The following ATP5MJ variants were observed in gnomAD, a reference collection of about 807,000 sequenced individuals.
ATP5MJ encodes the protein ATP synthase F(0) complex subunit j, mitochondrial.
ATP5MJ carries 4 observed loss-of-function variants against 8.3 expected under a neutral mutation model. The ratio of observed to expected loss-of-function variants is 0.48; its 90% CI spans 0.24 to 1.11. The LOEUF (loss-of-function observed/expected upper bound fraction) is 1.11. Among genes scored for constraint, ATP5MJ ranks in the 50% least tolerant of loss-of-function variants. The pLI is 0.18. For missense variants in ATP5MJ, 66 were observed against 71.8 expected (o/e 0.92, Z 0.29); for synonymous variants, 23 against 21.3 (o/e 1.08, Z -0.23).
At chr14:103,917,739 C>G (rs575029976) in intron 1 of ATP5MJ, among the ~76,000 whole-genome samples, 3 of 152,220 alleles carry the variant, frequency 2.0e-5, no homozygotes, top group Non-Finnish European at 4.4e-5. Context: ...TTAGTTCTGT[C>G]TCTAGCCCTT....
intron 1 of ATP5MJ, among the ~76,000 whole-genome samples, chr14:103,916,366 C>G (rs981188896): frequency 6.6e-6 from 1 of 152,176 alleles, no homozygotes; most frequent in Non-Finnish European, 1.5e-5. Flanking sequence ...TTTTTAACAT[C>G]TGAAGTGGTC....
Position 103,921,053 on chromosome 14 carries a change from T to C in ATP5MJ, c.-1+417A>G, listed in dbSNP as rs571945841. 2.2e-5 allele frequency: 34 copies of C among 1,550,928 alleles called. No individual in the cohort carries two copies. In the Middle Eastern group the frequency reaches 5.0e-4, roughly 23 times the overall value. ...CTCACCCAAGTTGTCATGTACAGCA[T>C]AACGTGGAGGGCAGTGTGGCGCAAG... On this transcript the variant is annotated intron_variant, in intron 1 of 3. Coordinates refer to ENST00000286953, the MANE Select transcript of ATP5MJ (RefSeq NM_004894.3).
At chr14:103,915,003 G>A in intron 2 of ATP5MJ, 63 bp downstream of exon 2, 1 of 1,603,686 alleles carries the variant, frequency 6.2e-7, no homozygotes, top group South Asian at 1.1e-5. Context: ...AATGTGAATT[G>A]TGATTCTTTT....
chr14:103,914,741 C>T (rs1365105841), intron 2 of ATP5MJ: 2 of 516,928 alleles, frequency 3.9e-6, no homozygotes, highest in African/African-American at 4.0e-5. Flanking sequence ...GTGGGAGAAT[C>T]ACCTGAAATC....
At chr14:103,914,925 G>C (rs900902781) in intron 2 of ATP5MJ, 141 bp downstream of exon 2, 2 of 1,043,768 alleles carry the variant, frequency 1.9e-6, no homozygotes, top group Non-Finnish European at 2.7e-6. Context: ...TGTGCTCCCT[G>C]TATTTTTTAC....
chr14:103,916,796 A>G lies in ATP5MJ; in HGVS notation c.1-1607T>C, dbSNP rs545436146. On this transcript the variant is annotated intron_variant, in intron 1 of 3. Coordinates refer to ENST00000286953, the MANE Select transcript of ATP5MJ (RefSeq NM_004894.3). The stretch of plus-strand genomic sequence containing the variant: ...TGGCTGCGGCTGTAATGCTGCCTCC[A>G]CCCCTCCCTCCCTCCACCCACTCAC... 2.2e-3 allele frequency among the ~76,000 whole-genome samples: 337 copies of G among 151,972 alleles called. 3 individuals carry two copies. Among genetic ancestry groups the G allele is most frequent in the African/African-American group, 7.9e-3 (326 of 41,424 alleles).
In ATP5MJ at chr14:103,919,835, C is replaced by A. The variant is rs28601645; in HGVS notation, c.-1+1635G>T. On this transcript the variant is annotated intron_variant, in intron 1 of 3. Transcript: ENST00000286953. ...ATACATAATAAAACGAGGGCCCCCC[C>A]TTTTTTTTTTTAGACAGAGTTTCAG... 1.3e-4 allele frequency among the ~76,000 whole-genome samples: 19 copies of A among 145,654 alleles called. No homozygotes were observed. In the South Asian group the frequency reaches 3.5e-3, roughly 27 times the overall value.
At chr14:103,914,639 A>C in intron 2 of ATP5MJ, 1 of 559,000 alleles carries the variant, frequency 1.8e-6, no homozygotes, top group Non-Finnish European at 3.2e-6. Context: ...CATCTCTACA[A>C]AAAAAAAAAG....
chr14:103,916,759 A>C (rs975073362), intron 1 of ATP5MJ, among the ~76,000 whole-genome samples: 2 of 152,108 alleles, frequency 1.3e-5, no homozygotes, highest in Non-Finnish European at 2.9e-5. Flanking sequence ...AAAGAAAGAA[A>C]GAACTGCGCG....
intron 1 of ATP5MJ, among the ~76,000 whole-genome samples, chr14:103,916,267 G>C (rs911612705): frequency 1.3e-5 from 2 of 152,176 alleles, no homozygotes; most frequent in Admixed American, 1.3e-4. Context: ...TGTATGTGCA[G>C]GTCTCAAAAT....
chr14:103,913,975 CTTCTT>C lies in ATP5MJ; in HGVS notation c.129_133del (p.Arg44Ter), dbSNP rs768488399. 3 of 1,608,638 alleles carry C rather than the reference CTTCTT, an allele frequency of 1.9e-6. No homozygotes were observed. The African/African-American group carries it at 4.0e-5, about 22-fold the overall frequency. On this transcript the variant is annotated frameshift_variant, in exon 3 of 4. Transcript: ENST00000286953. LOFTEE classifies it high-confidence loss of function. ...AAAAATCTTACCTTTCAAAGCCTTACTTCTTTTATCTAAAATAAAAGGAAGGAAAA... is the reference window on the plus strand; with the variant it reads ...AAAAATCTTACCTTTCAAAGCCTTACTTATCTAAAATAAAAGGAAGGAAAA...
At chr14:103,921,063 G>A in intron 1 of ATP5MJ, 1 of 1,547,522 alleles carries the variant, frequency 6.5e-7, no homozygotes, top group East Asian at 2.4e-5. Flanking sequence ...TAACGTGGAG[G>A]GCAGTGTGGC....
At chr14:103,914,178 A>G (rs2087604305) in intron 2 of ATP5MJ, 194 bp from the exon 3 acceptor site, 3 of 599,858 alleles carry the variant, frequency 5.0e-6, no homozygotes, top group Non-Finnish European at 8.8e-6. Flanking sequence ...AGCCCTTTCA[A>G]ATTTGCAGGG....
intron 1 of ATP5MJ, among the ~76,000 whole-genome samples, chr14:103,917,687 G>T (rs1394406479): frequency 6.6e-6 from 1 of 152,152 alleles, no homozygotes; most frequent in East Asian, 1.9e-4. Flanking sequence ...CAAGAATGGG[G>T]AGGCCAGGCC....
chr14:103,914,673 G>C (rs748312432), intron 2 of ATP5MJ: 2 of 581,718 alleles, frequency 3.4e-6, no homozygotes, highest in South Asian at 4.6e-5. Flanking sequence ...TTAGCTAGGT[G>C]TGGTGGTGTT....
chr14:103,917,502 C>A (rs1419740915), intron 1 of ATP5MJ, among the ~76,000 whole-genome samples: 4 of 151,066 alleles, frequency 2.6e-5, no homozygotes, highest in Admixed American at 1.3e-4. Context: ...CCCGTTTTGA[C>A]AATATGAAGA....
At chr14:103,921,160 G>C in intron 1 of ATP5MJ, 3 of 833,002 alleles carry the variant, frequency 3.6e-6, no homozygotes, top group Non-Finnish European at 5.8e-6. Context: ...CTAACTCTGC[G>C]TAGCCTCTGG....
At chr14:103,914,846 AAAAAAAAAAAAG>A (rs1486284569) in intron 2 of ATP5MJ, 5 of 440,526 alleles carry the variant, frequency 1.1e-5, no homozygotes, top group South Asian at 1.1e-4. Flanking sequence ...CCAAAAAAAA[AAAAAAAAAAAAG>A]AAAAGAAAAG....
At position 103,913,991 on chromosome 14, in the gene ATP5MJ, TAAAAG is replaced by T. The variant is rs747862330; in HGVS notation, c.125-12_125-8del. On this transcript the variant is annotated splice_region_variant and splice_polypyrimidine_tract_variant and intron_variant, in intron 2 of 3. Coordinates refer to ENST00000286953, the MANE Select transcript of ATP5MJ (RefSeq NM_004894.3). ...AAAGCCTTACTTCTTTTATCTAAAA[TAAAAG>T]GAAGGAAAAAAAAGCAGTCATATCA... 77 of 1,602,966 alleles carry T rather than the reference TAAAAG, an allele frequency of 4.8e-5. No individual in the cohort carries two copies. Among genetic ancestry groups the T allele is most frequent in the Non-Finnish European group, 6.4e-5 (75 of 1,176,310 alleles).
Sources: allele counts gnomAD v4.1 joint callset (sites outside exome capture counted in the v4.1 genomes callset), GRCh38; gene constraint gnomAD v4.1.1; transcripts MANE v1.5; gene names NCBI Gene and HGNC (gene_info 2026-07-23, HGNC 2026-07-21).